ME1: variants seen among roughly 807,000 people sequenced by gnomAD.
The protein encoded by ME1 is NADP-dependent malic enzyme.
ME1 carries 74 observed loss-of-function variants against 66.4 expected under a neutral mutation model. That is an observed-to-expected ratio of 1.11 (90% CI 0.92 to 1.35). The LOEUF (loss-of-function observed/expected upper bound fraction) is 1.35. ME1 is among the 40% of genes most tolerant of loss of function. The probability of loss-of-function intolerance (pLI) is 0.00; values close to 1 mark genes in which losing one functional copy is unlikely to be tolerated. For missense variants in ME1, 750 were observed against 694.1 expected, an observed-to-expected ratio of 1.08 and a Z score of -0.90; for synonymous variants, 251 against 235.6, an observed-to-expected ratio of 1.07 and a Z score of -0.60.
chr6:83,292,759 C>T (rs1767527522), intron 6 of ME1, among the ~76,000 whole-genome samples: 1 of 152,196 alleles, frequency 6.6e-6, no homozygotes, highest in African/African-American at 2.4e-5. Context: ...GTAGGCCTTG[C>T]TGAGATGTGG....
intron 5 of ME1, among the ~76,000 whole-genome samples, chr6:83,340,598 A>T (rs1330557549): frequency 1.3e-5 from 2 of 152,154 alleles, no homozygotes; most frequent in African/African-American, 4.8e-5. Context: ...TACATGAGCA[A>T]AACACAGAAA....
intron 6 of ME1, among the ~76,000 whole-genome samples, chr6:83,261,397 GTTCT>G (rs1458407590): frequency 4.0e-5 from 5 of 124,810 alleles, no homozygotes; most frequent in Admixed American, 1.6e-4. Context: ...CATTCTGTAG[GTTCT>G]TTGTTTACTC....
intron 10 of ME1, among the ~76,000 whole-genome samples, chr6:83,228,377 T>A (rs965093263): frequency 1.3e-5 from 2 of 152,194 alleles, no homozygotes; most frequent in Admixed American, 6.5e-5. Context: ...GGCTGTCCAG[T>A]GCACTACAGG....
chr6:83,429,927 A>C (rs780877203), intron 1 of ME1, among the ~76,000 whole-genome samples: 1 of 152,014 alleles, frequency 6.6e-6, no homozygotes, highest in Admixed American at 6.6e-5. Flanking sequence ...AAGCGCACGC[A>C]CACACACACA....
In ME1 at chr6:83,407,760, T is replaced by A. The variant is rs778686449; in HGVS notation, c.212+8A>T. 8 of 1,578,080 alleles carry A rather than the reference T, an allele frequency of 5.1e-6. No individual in the cohort carries two copies. Among genetic ancestry groups the A allele is most frequent in the Admixed American group, 2.0e-5 (1 of 48,926 alleles). On this transcript the variant is annotated splice_region_variant and intron_variant, in intron 2 of 13. Transcript: ENST00000369705. ...GAAATATAAAAACCACCTTCAGCAA[T>A]GTGTTACCTGTCAAAGTCAGAGTTC...
At chr6:83,300,791 C>G (rs1436941309) in intron 6 of ME1, among the ~76,000 whole-genome samples, 1 of 151,768 alleles carries the variant, frequency 6.6e-6, no homozygotes, top group Non-Finnish European at 1.5e-5. Flanking sequence ...AGACTTGGAA[C>G]CAACCCAAAT....
chr6:83,308,326 T>A (rs1327718662), intron 6 of ME1, among the ~76,000 whole-genome samples: 1 of 152,060 alleles, frequency 6.6e-6, no homozygotes, highest in Non-Finnish European at 1.5e-5. Flanking sequence ...TTTAAAAAAT[T>A]TAATATTAGT....
chr6:83,423,420 A>C (rs1406840827), intron 1 of ME1, among the ~76,000 whole-genome samples: 1 of 152,194 alleles, frequency 6.6e-6, no homozygotes, highest in Non-Finnish European at 1.5e-5. Flanking sequence ...AATGAAACAG[A>C]GTAACAGAAA....
intron 1 of ME1, among the ~76,000 whole-genome samples, chr6:83,427,803 A>G (rs1770401409): frequency 6.6e-6 from 1 of 152,200 alleles, no homozygotes; most frequent in Admixed American, 6.5e-5. Flanking sequence ...ACTTAAGGTC[A>G]GGAGTTTGAG....
chr6:83,330,565 G>A (rs972040646), intron 5 of ME1, among the ~76,000 whole-genome samples: 1 of 152,140 alleles, frequency 6.6e-6, no homozygotes. Flanking sequence ...GTATTATTAA[G>A]TTATTTCGAA....
At chr6:83,364,392 CTA>C (rs59673237) in intron 3 of ME1, among the ~76,000 whole-genome samples, 1 of 151,232 alleles carries the variant, frequency 6.6e-6, no homozygotes, top group Non-Finnish European at 1.5e-5. Context: ...ATAAACTCCC[CTA>C]TATATATATA....
intron 6 of ME1, among the ~76,000 whole-genome samples, chr6:83,287,871 T>C (rs1378846214): frequency 6.6e-6 from 1 of 152,202 alleles, no homozygotes; most frequent in African/African-American, 2.4e-5. Context: ...TGGTATCTCA[T>C]TGTGGTTTTG....
chr6:83,289,600 T>A (rs1351395316), intron 6 of ME1, among the ~76,000 whole-genome samples: 4 of 152,196 alleles, frequency 2.6e-5, no homozygotes, highest in African/African-American at 9.7e-5. Flanking sequence ...TTTTCTTTTT[T>A]TGTTGTGTCT....
intron 6 of ME1, among the ~76,000 whole-genome samples, chr6:83,255,624 G>A (rs1199468195): frequency 5.9e-5 from 9 of 151,844 alleles, no homozygotes. Flanking sequence ...CAAAATTTCT[G>A]TTTTCTATAT....
intron 7 of ME1, among the ~76,000 whole-genome samples, chr6:83,248,789 A>C (rs1167565524): frequency 3.9e-5 from 6 of 152,108 alleles, no homozygotes; most frequent in Admixed American, 1.3e-4. Flanking sequence ...AGCCATAAGA[A>C]AGTGTGAGTC....
chr6:83,325,233 T>C (rs559786568), intron 5 of ME1, among the ~76,000 whole-genome samples: 1 of 152,266 alleles, frequency 6.6e-6, no homozygotes, highest in Admixed American at 6.5e-5. Context: ...TAAGAGCTAT[T>C]TATGCTAAAC....
At chr6:83,364,459 C>G (rs1192389158) in intron 3 of ME1, among the ~76,000 whole-genome samples, 1 of 152,138 alleles carries the variant, frequency 6.6e-6, no homozygotes, top group African/African-American at 2.4e-5. Flanking sequence ...GATCATTTTT[C>G]AAGTACATTC....
At chr6:83,396,216 T>C (rs1483413305) in intron 3 of ME1, among the ~76,000 whole-genome samples, 1 of 151,968 alleles carries the variant, frequency 6.6e-6, no homozygotes, top group Non-Finnish European at 1.5e-5. Context: ...ATACAAAAAT[T>C]AGCCAGGTAT....
At position 83,223,802 on chromosome 6, in the gene ME1, T is replaced by A; in HGVS notation, c.1407A>T (p.Gly469=). Residue 469 remains glycine (G), a synonymous_variant, in exon 12 of 14, where the codon GGA becomes GGT. Coordinates refer to ENST00000369705, the MANE Select transcript of ME1 (RefSeq NM_002395.6). The stretch of plus-strand genomic sequence containing the variant: ...AAATATTATCTGTGATCTGCCTCAA[T>A]CCACACGCCACAACACCAAGAGCAA... ...PGVALGVVAC[G]LRQITDNIFL... is the part of the protein sequence containing the mutation. The A allele has an allele frequency of 6.2e-7, 1 of 1,613,844 alleles. No homozygotes were observed. The highest frequency in any genetic ancestry group is 8.5e-7 in the Non-Finnish European group (1 of 1,179,842).
Sources: gnomAD v4.1 joint callset for allele counts (sites outside exome capture counted in the v4.1 genomes callset) on GRCh38, gnomAD v4.1.1 for gene constraint, MANE v1.5 for transcripts, NCBI Gene and HGNC (gene_info 2026-07-23, HGNC 2026-07-21) for gene names.